GPM6A: variants seen among roughly 807,000 people sequenced by gnomAD.
GPM6A encodes neuronal membrane glycoprotein M6-a.
A neutral mutation model predicts 32.1 loss-of-function variants in GPM6A; 7 were observed. The ratio of observed to expected loss-of-function variants is 0.22; its 90% CI spans 0.12 to 0.41. The LOEUF (loss-of-function observed/expected upper bound fraction) is 0.41, where lower values mean the gene tolerates loss of function less well. GPM6A is among the 10% of genes least tolerant of loss of function. The pLI is 1.00. For synonymous variants in GPM6A, 130 were observed against 123.4 expected, an observed-to-expected ratio of 1.05 and a Z score of -0.35; for missense variants, 235 against 347.2, an observed-to-expected ratio of 0.68 and a Z score of 2.57.
chr4:175,876,959 T>C (rs1450088949), intron 1 of GPM6A, among the ~76,000 whole-genome samples: 3 of 152,158 alleles, frequency 2.0e-5, no homozygotes, highest in Non-Finnish European at 4.4e-5. Flanking sequence ...GGATTCTGCA[T>C]AAACAGAGTG....
intron 3 of GPM6A, among the ~76,000 whole-genome samples, chr4:175,658,181 T>C (rs377355781): frequency 7.3e-4 from 111 of 151,550 alleles, no homozygotes; most frequent in African/African-American, 2.7e-3. Context: ...CTTCAGTAGA[T>C]AAACAGATAT....
chr4:175,733,000 A>G (rs1053789940), intron 1 of GPM6A, among the ~76,000 whole-genome samples: 1 of 152,172 alleles, frequency 6.6e-6, no homozygotes, highest in Non-Finnish European at 1.5e-5. Flanking sequence ...AGCCACAACC[A>G]CCGAGTGTGG....
chr4:175,847,670 AG>A, intron 1 of GPM6A, among the ~76,000 whole-genome samples: 1 of 152,300 alleles, frequency 6.6e-6, no homozygotes, highest in Admixed American at 6.5e-5. Flanking sequence ...TTAAGTGAAA[AG>A]ATGGAAGTTC....
In GPM6A at chr4:175,803,568, C is replaced by T. The variant is rs1436049850; in HGVS notation, c.37+8623G>A. Among the ~76,000 whole-genome samples the T allele has an allele frequency of 3.9e-5, 6 of 152,044 alleles. No homozygotes were observed. The South Asian group carries it at 1.0e-3, about 26-fold the overall frequency. On this transcript the variant is annotated intron_variant, in intron 1 of 6. Transcript: ENST00000393658. ...ATTGTAATAGGCGCTTTTACCTAGT[C>T]TTTATTACATCTAACTCACATTAAA...
At chr4:175,737,491 G>GA (rs11445251) in intron 1 of GPM6A, among the ~76,000 whole-genome samples, 54,450 of 150,922 alleles carry the variant, frequency 0.36, 9,892 homozygotes, top group East Asian at 0.53. Context: ...TGGGTGACAA[G>GA]AAAAAAAAAT....
chr4:175,864,852 ACT>A (rs1173007987), intron 1 of GPM6A, among the ~76,000 whole-genome samples: 2 of 150,688 alleles, frequency 1.3e-5, no homozygotes, highest in Non-Finnish European at 2.9e-5. Flanking sequence ...TTTCACCCAG[ACT>A]GGAGTGCAGT....
At chr4:175,862,972 G>C (rs907579335) in intron 1 of GPM6A, among the ~76,000 whole-genome samples, 12 of 151,976 alleles carry the variant, frequency 7.9e-5, no homozygotes, top group Non-Finnish European at 1.5e-4. Flanking sequence ...ACGATTTTCT[G>C]TTTGTCATCT....
intron 1 of GPM6A, among the ~76,000 whole-genome samples, chr4:175,722,085 G>T (rs1400259296): frequency 6.6e-6 from 1 of 152,108 alleles, no homozygotes; most frequent in Non-Finnish European, 1.5e-5. Flanking sequence ...CCAGGAGTTT[G>T]AGACCAGCCC....
At chr4:175,835,460 C>G (rs1231073203) in intron 1 of GPM6A, among the ~76,000 whole-genome samples, 1 of 151,740 alleles carries the variant, frequency 6.6e-6, no homozygotes, top group African/African-American at 2.4e-5. Context: ...ACCTAGTGAA[C>G]CAGAAAATCT....
intron 1 of GPM6A, among the ~76,000 whole-genome samples, chr4:175,953,056 A>G (rs1265413807): frequency 6.6e-6 from 1 of 151,932 alleles, no homozygotes; most frequent in Non-Finnish European, 1.5e-5. Flanking sequence ...AGGAGAGAAA[A>G]AGAAAAGAAA....
intron 1 of GPM6A, among the ~76,000 whole-genome samples, chr4:175,871,478 T>A (rs923241169): frequency 3.3e-5 from 5 of 151,900 alleles, no homozygotes; most frequent in Admixed American, 6.6e-5. Context: ...TCAAAAAAAA[T>A]AAAAATAAAG....
intron 1 of GPM6A, among the ~76,000 whole-genome samples, chr4:175,860,521 A>T (rs549051399): frequency 6.6e-6 from 1 of 152,206 alleles, no homozygotes; most frequent in Non-Finnish European, 1.5e-5. Flanking sequence ...TCTGAATAGC[A>T]CTATATTTGT....
At chr4:175,692,289 T>C (rs1744343862) in intron 2 of GPM6A, among the ~76,000 whole-genome samples, 2 of 152,262 alleles carry the variant, frequency 1.3e-5, no homozygotes, top group South Asian at 4.1e-4. Flanking sequence ...ATGGTCAAAA[T>C]GGTGTCCAGA....
intron 1 of GPM6A, among the ~76,000 whole-genome samples, chr4:175,958,023 G>C (rs1740044012): frequency 6.6e-6 from 1 of 152,144 alleles, no homozygotes; most frequent in African/African-American, 2.4e-5. Flanking sequence ...CTCCCGAGTA[G>C]CTGGGATTCC....
chr4:175,971,036 G>A, intron 1 of GPM6A: 2 of 352,934 alleles, frequency 5.7e-6, no homozygotes, highest in Non-Finnish European at 1.1e-5. Context: ...AGTTAGGAAA[G>A]TAAAGGATAC....
intron 1 of GPM6A, among the ~76,000 whole-genome samples, chr4:175,973,668 T>C (rs930169873): frequency 6.6e-6 from 1 of 152,204 alleles, no homozygotes; most frequent in East Asian, 1.9e-4. Context: ...ATTAGAAAGA[T>C]CTGACTCAGC....
intron 1 of GPM6A, among the ~76,000 whole-genome samples, chr4:175,990,731 A>T (rs951868390): frequency 1.7e-4 from 26 of 151,764 alleles, no homozygotes; most frequent in African/African-American, 6.3e-4. Flanking sequence ...ATATAATGAG[A>T]TATGTGAATT....
At chr4:175,846,240 C>T (rs944198117) in intron 1 of GPM6A, among the ~76,000 whole-genome samples, 4 of 152,056 alleles carry the variant, frequency 2.6e-5, no homozygotes, top group Non-Finnish European at 4.4e-5. Flanking sequence ...CTGATAAAAG[C>T]TTTACACCTT....
At chr4:175,970,936 C>A in intron 1 of GPM6A, 1 of 455,790 alleles carries the variant, frequency 2.2e-6, no homozygotes, top group African/African-American at 2.0e-5. Flanking sequence ...ACACAGGGTG[C>A]GGTACAGAGA....
Sources: gnomAD v4.1 joint callset for allele counts (sites outside exome capture counted in the v4.1 genomes callset) on GRCh38, gnomAD v4.1.1 for gene constraint, MANE v1.5 for transcripts, NCBI Gene and HGNC (gene_info 2026-07-23, HGNC 2026-07-21) for gene names.